VMP1: variants seen among roughly 807,000 people sequenced by gnomAD.
The protein encoded by VMP1 is ectopic P-granules autophagy protein 3 homolog.
Under a neutral mutation model 56.0 loss-of-function variants are expected in VMP1, and 11 were observed. That is an observed-to-expected ratio of 0.20 (90% confidence interval 0.12 to 0.32). VMP1 has a LOEUF of 0.32. Ranked by LOEUF, VMP1 falls within the 10% of genes least tolerant of loss-of-function variation. The pLI, the probability that VMP1 is intolerant of heterozygous loss-of-function variation, is 1.00. For synonymous variants in VMP1, 149 were observed against 165.0 expected, an observed-to-expected ratio of 0.90 and a Z score of 0.74; for missense variants, 296 against 490.3, an observed-to-expected ratio of 0.60 and a Z score of 3.74.
chr17:59,820,171 G>A (rs539634650), intron 10 of VMP1, among the ~76,000 whole-genome samples: 98 of 152,168 alleles, frequency 6.4e-4, no homozygotes, highest in African/African-American at 2.3e-3. Flanking sequence ...CTCCTTACCA[G>A]GGTTTATAAG....
intron 7 of VMP1, among the ~76,000 whole-genome samples, chr17:59,794,517 ATTTTTTTTTTTTTTTTT>A (rs71145572): frequency 7.0e-4 from 30 of 43,112 alleles, no homozygotes; most frequent in East Asian, 3.9e-3. Flanking sequence ...CGCGCCCTGC[ATTTTTTTTTTTTTTTTT>A]TTTTTTTTTT....
In VMP1 at chr17:59,830,984, C is replaced by T. The variant is rs1016245928; in HGVS notation, c.975-7311C>T. ...CTAGGACTACAGGTGTGCACCACAC[C>T]TGGTTAATTTTCTGTGTGGGTGTAG... is the stretch of plus-strand genomic sequence containing the variant. On this transcript the variant is annotated intron_variant, in intron 10 of 11. Transcript: ENST00000262291. Among the ~76,000 whole-genome samples the T allele has an allele frequency of 4.0e-4, 61 of 151,926 alleles. 1 individual carries two copies. Among genetic ancestry groups the T allele is most frequent in the Non-Finnish European group, 5.3e-4 (36 of 67,980 alleles).
rs186805777 is a variant in VMP1 at position 59,840,713 on chromosome 17, G to A, written c.*802G>A. 1.3e-5 allele frequency: 2 copies of A among 152,402 alleles called. No homozygotes were observed. Among genetic ancestry groups the A allele is most frequent in the African/African-American group, 4.8e-5 (2 of 41,516 alleles). 9.4% of individuals were successfully genotyped at this position (152,402 alleles called of 1,614,324 possible). ...TAAGCTTTCTTTTATTTGCATGAGA[G>A]AGCCACTACCAAGGCATGTTTTGTT... On this transcript the variant is annotated 3_prime_UTR_variant, in exon 12 of 12. Coordinates refer to ENST00000262291, the MANE Select transcript of VMP1 (RefSeq NM_030938.5).
In VMP1 at chr17:59,744,026, G is replaced by A. The variant is rs559452530; in HGVS notation, c.414+5079G>A. 5.3e-5 allele frequency among the ~76,000 whole-genome samples: 8 copies of A among 151,480 alleles called. No individual in the cohort carries two copies. In the East Asian group the frequency reaches 1.6e-3, roughly 29 times the overall value. ...CCCTTAAGTATGATGTTAGCTGTAG[G>A]TTTTTGTAGATATTATTTACCAGGT... On this transcript the variant is annotated intron_variant, in intron 5 of 11. Transcript: ENST00000262291.
intron 7 of VMP1, among the ~76,000 whole-genome samples, chr17:59,807,191 G>GTTT (rs1457969471): frequency 3.5e-5 from 5 of 142,744 alleles, no homozygotes; most frequent in African/African-American, 5.3e-5. Flanking sequence ...CTTCTTTTTT[G>GTTT]TTTTTTTGTT....
intron 10 of VMP1, among the ~76,000 whole-genome samples, chr17:59,827,793 A>T (rs1298122862): frequency 6.6e-6 from 1 of 151,824 alleles, no homozygotes; most frequent in Non-Finnish European, 1.5e-5. Flanking sequence ...CTTGAAAAAA[A>T]TTTAAAAATT....
intron 7 of VMP1, among the ~76,000 whole-genome samples, chr17:59,796,956 A>T (rs117577119): frequency 1.1e-3 from 162 of 152,340 alleles, no homozygotes; most frequent in Admixed American, 3.5e-3. Context: ...CCAGAAGGAT[A>T]TGCCAGAAGA....
intron 10 of VMP1, among the ~76,000 whole-genome samples, chr17:59,822,487 C>A (rs190492049): frequency 5.9e-5 from 9 of 152,006 alleles, no homozygotes; most frequent in Non-Finnish European, 8.8e-5. Flanking sequence ...CACCACCACA[C>A]CTGGCTAATT....
chr17:59,754,191 C>A (rs888711462), intron 5 of VMP1, among the ~76,000 whole-genome samples: 4 of 151,574 alleles, frequency 2.6e-5, no homozygotes, highest in African/African-American at 7.3e-5. Context: ...AAAAAGAAAA[C>A]AAAAAAAATT....
chr17:59,832,953 T>C (rs1337491822), intron 10 of VMP1, among the ~76,000 whole-genome samples: 2 of 151,848 alleles, frequency 1.3e-5, no homozygotes, highest in African/African-American at 4.8e-5. Context: ...TAAGGGCAAA[T>C]TGGAGGACTT....
chr17:59,787,296 CTT>C (rs1461239677), intron 7 of VMP1, among the ~76,000 whole-genome samples: 6 of 152,138 alleles, frequency 3.9e-5, no homozygotes, highest in African/African-American at 1.2e-4. Context: ...ATTTTGAACT[CTT>C]TTGCCACCTC....
rs2034823230 is a variant in VMP1, at chr17:59,731,498, G to A, written c.52G>A (p.Glu18Lys). The A allele has an allele frequency of 8.2e-6, 13 of 1,588,974 alleles. No individual in the cohort carries two copies. In the Admixed American group the frequency reaches 1.1e-4, roughly 14 times the overall value. The part of the protein sequence containing the change: ...CDQRRVAMNK[E>K]HHNGNFTDPS... ...CCAGAGACGTGTAGCAATGAACAAG[G>A]AACATCATAATGGAAATTTCACAGG... The change falls in exon 2 of 12, where the codon GAA becomes AAA. Residue 18 changes from glutamate to lysine, a missense_variant. Physicochemically the swap from Glu to Lys is moderately conservative, Grantham distance 56. Coordinates refer to ENST00000262291, the MANE Select transcript of VMP1 (RefSeq NM_030938.5).
At chr17:59,717,140 C>T (rs1220258022) in intron 1 of VMP1, among the ~76,000 whole-genome samples, 3 of 152,052 alleles carry the variant, frequency 2.0e-5, no homozygotes. Context: ...CCACCACGCC[C>T]GGCTAATTTT....
At chr17:59,734,345 G>A (rs986788975) in intron 2 of VMP1, among the ~76,000 whole-genome samples, 2 of 152,132 alleles carry the variant, frequency 1.3e-5, no homozygotes, top group East Asian at 1.9e-4. Flanking sequence ...CATATACAAC[G>A]CGGATGTACT....
chr17:59,775,166 G>A (rs1200729915), intron 7 of VMP1, among the ~76,000 whole-genome samples: 2 of 151,906 alleles, frequency 1.3e-5, no homozygotes, highest in African/African-American at 2.4e-5. Flanking sequence ...GGATGGTCTT[G>A]ATCTCCTGAC....
chr17:59,823,416 A>G (rs1400767721), intron 10 of VMP1, among the ~76,000 whole-genome samples: 1 of 144,894 alleles, frequency 6.9e-6, no homozygotes, highest in African/African-American at 2.6e-5. Context: ...ACACCACTGC[A>G]CTCCAGCCTG....
chr17:59,771,045 GA>G (rs2036405676), intron 6 of VMP1, among the ~76,000 whole-genome samples: 1 of 149,900 alleles, frequency 6.7e-6, no homozygotes, highest in Non-Finnish European at 1.5e-5. Flanking sequence ...TTTCTATCAC[GA>G]GATACAATGT....
rs1415425174 is a variant in VMP1, at chr17:59,739,062, A to G, written c.414+115A>G. Reference sequence around the variant, plus strand: ...GTTTTAATTACCTTTGTGTTTTGTAAGCATTCTGATCCTCCAATCAGTGCT... The same window carrying G: ...GTTTTAATTACCTTTGTGTTTTGTAGGCATTCTGATCCTCCAATCAGTGCT... On this transcript the variant is annotated intron_variant, in intron 5 of 11. Coordinates refer to ENST00000262291, the MANE Select transcript of VMP1 (RefSeq NM_030938.5). 5 of 772,238 alleles carry G rather than the reference A, an allele frequency of 6.5e-6. No homozygotes were observed. The African/African-American group carries it at 7.3e-5, about 11-fold the overall frequency. 47.8% of individuals were successfully genotyped at this position (772,238 alleles called of 1,614,324 possible).
At chr17:59,775,909 G>T (rs1000137427) in intron 7 of VMP1, among the ~76,000 whole-genome samples, 1 of 152,282 alleles carries the variant, frequency 6.6e-6, no homozygotes, top group South Asian at 2.1e-4. Flanking sequence ...CTTGTTGAAA[G>T]ATTGAATCTC....
Sources: allele counts gnomAD v4.1 joint callset (sites outside exome capture counted in the v4.1 genomes callset), GRCh38; gene constraint gnomAD v4.1.1; transcripts MANE v1.5; gene names NCBI Gene and HGNC (gene_info 2026-07-23, HGNC 2026-07-21).